DACH1: variants seen among roughly 807,000 people sequenced by gnomAD.
The protein encoded by DACH1 is dachshund homolog 1.
DACH1 carries 12 observed loss-of-function variants against 54.2 expected under a neutral mutation model. The ratio of observed to expected loss-of-function variants is 0.22; its 90% CI spans 0.14 to 0.36. The LOEUF (loss-of-function observed/expected upper bound fraction) is 0.36, where lower values mean the gene tolerates loss of function less well. Among genes scored for constraint, DACH1 ranks in the 10% least tolerant of loss-of-function variants. The probability of loss-of-function intolerance (pLI) is 1.00; values close to 1 mark genes in which losing one functional copy is unlikely to be tolerated. For synonymous variants in DACH1, 386 were observed against 366.2 expected, an observed-to-expected ratio of 1.05 and a Z score of -0.62; for missense variants, 805 against 929.8, an observed-to-expected ratio of 0.87 and a Z score of 1.75.
chr13:71,587,895 A>G lies in DACH1; in HGVS notation c.1127-14883T>C, dbSNP rs571545088. The stretch of plus-strand genomic sequence containing the variant: ...ACTCTCAGAAAGAAAGGTAGATTAA[A>G]GTAAAAGCTGCAGCACCTTGTTACT... On this transcript the variant is annotated intron_variant, in intron 3 of 10. Transcript: ENST00000613252. 2.6e-5 allele frequency among the ~76,000 whole-genome samples: 4 copies of G among 152,268 alleles called. No individual in the cohort carries two copies. The Middle Eastern group carries it at 0.01, about 391-fold the overall frequency.
At chr13:71,806,909 T>C (rs1280887741) in intron 1 of DACH1, among the ~76,000 whole-genome samples, 1 of 152,190 alleles carries the variant, frequency 6.6e-6, no homozygotes, top group Non-Finnish European at 1.5e-5. Context: ...CATCAACCGA[T>C]TATGAATCTA....
At chr13:71,572,720 G>A (rs1885290233) in intron 4 of DACH1, 120 bp downstream of exon 4, 2 of 1,073,550 alleles carry the variant, frequency 1.9e-6, no homozygotes, top group South Asian at 2.0e-5. Context: ...TTTTTTAATA[G>A]TCTATTTACT....
At chr13:71,484,039 CTTAA>C (rs1291129215) in intron 7 of DACH1, among the ~76,000 whole-genome samples, 5 of 152,100 alleles carry the variant, frequency 3.3e-5, no homozygotes, top group Non-Finnish European at 4.4e-5. Context: ...CAGTCTTATA[CTTAA>C]TTCTTTTTCA....
intron 1 of DACH1, among the ~76,000 whole-genome samples, chr13:71,832,922 CTTTT>C (rs1185275458): frequency 1.3e-5 from 2 of 151,816 alleles, no homozygotes; most frequent in Non-Finnish European, 2.9e-5. Context: ...TATTTTTCCT[CTTTT>C]TTGAGAGAAG....
At chr13:71,471,890 G>A (rs760458773) in intron 10 of DACH1, among the ~76,000 whole-genome samples, 13 of 152,150 alleles carry the variant, frequency 8.5e-5, no homozygotes, top group South Asian at 2.1e-4. Flanking sequence ...TAAAATGTAC[G>A]CGTATGTGCA....
chr13:71,633,774 A>G (rs1035023245), intron 2 of DACH1, among the ~76,000 whole-genome samples: 1 of 152,022 alleles, frequency 6.6e-6, no homozygotes, highest in East Asian at 1.9e-4. Context: ...TGGGTTCTCA[A>G]TTCTAATTAT....
intron 2 of DACH1, among the ~76,000 whole-genome samples, chr13:71,649,324 C>T (rs1361960447): frequency 1.3e-5 from 2 of 152,082 alleles, no homozygotes; most frequent in Non-Finnish European, 2.9e-5. Context: ...AATGTATCTT[C>T]GTCATTAAGG....
At chr13:71,498,519 G>C (rs1879632976) in intron 6 of DACH1, among the ~76,000 whole-genome samples, 1 of 152,026 alleles carries the variant, frequency 6.6e-6, no homozygotes, top group African/African-American at 2.4e-5. Context: ...GAAGCTCTAG[G>C]AATAAAATTT....
intron 1 of DACH1, among the ~76,000 whole-genome samples, chr13:71,703,882 T>C (rs1882291954): frequency 6.6e-6 from 1 of 152,198 alleles, no homozygotes; most frequent in South Asian, 2.1e-4. Context: ...ACTTACTAAA[T>C]ATTGTACCTG....
intron 1 of DACH1, among the ~76,000 whole-genome samples, chr13:71,829,718 C>T (rs565369614): frequency 2.2e-4 from 34 of 151,936 alleles, no homozygotes; most frequent in African/African-American, 3.1e-4. Context: ...TTTTGCTTCC[C>T]GGAGAGCAGT....
At chr13:71,565,205 C>A (rs899755659) in intron 4 of DACH1, among the ~76,000 whole-genome samples, 4 of 152,042 alleles carry the variant, frequency 2.6e-5, no homozygotes, top group African/African-American at 9.7e-5. Context: ...CCGTGCCCAG[C>A]CTAAATGTTA....
intron 2 of DACH1, among the ~76,000 whole-genome samples, chr13:71,635,913 T>C (rs1419874505): frequency 2.6e-5 from 4 of 152,084 alleles, no homozygotes; most frequent in Admixed American, 2.0e-4. Flanking sequence ...CCCGAGTAGC[T>C]GGGATTATAG....
chr13:71,589,162 A>C (rs1873510852), intron 3 of DACH1, among the ~76,000 whole-genome samples: 1 of 152,012 alleles, frequency 6.6e-6, no homozygotes, highest in Non-Finnish European at 1.5e-5. Flanking sequence ...CTTTTAGTTA[A>C]AACATAAAAT....
intron 1 of DACH1, among the ~76,000 whole-genome samples, chr13:71,792,183 C>T (rs9564845): frequency 0.16 from 23,985 of 152,148 alleles, 3,705 homozygotes; most frequent in East Asian, 0.84. Flanking sequence ...TTTACTCTAA[C>T]TTTTCCGCCC....
chr13:71,492,226 T>A (rs1160406968), intron 6 of DACH1, among the ~76,000 whole-genome samples: 1 of 152,210 alleles, frequency 6.6e-6, no homozygotes, highest in Non-Finnish European at 1.5e-5. Flanking sequence ...TTATTCATAC[T>A]TCCTGACATG....
intron 3 of DACH1, among the ~76,000 whole-genome samples, chr13:71,617,585 T>G (rs561030387): frequency 5.3e-5 from 8 of 152,322 alleles, no homozygotes; most frequent in African/African-American, 1.4e-4. Flanking sequence ...ATCACATTAT[T>G]GCCCTGAATC....
chr13:71,479,388 T>C, intron 7 of DACH1, 72 bp from the exon 8 acceptor site: 1 of 1,489,716 alleles, frequency 6.7e-7, no homozygotes, highest in Non-Finnish European at 9.1e-7. Context: ...TTAAAAGCAT[T>C]TTCAAAGCAA....
chr13:71,748,763 A>T (rs1884719649), intron 1 of DACH1, among the ~76,000 whole-genome samples: 1 of 152,168 alleles, frequency 6.6e-6, no homozygotes, highest in South Asian at 2.1e-4. Flanking sequence ...ACATTTTCTT[A>T]ACTAATATAT....
At position 71,453,719 on chromosome 13, in the gene DACH1, T is replaced by C. The variant is rs139005430; in HGVS notation, c.2084-13027A>G. Among the ~76,000 whole-genome samples the C allele has an allele frequency of 1.3e-3, 198 of 152,318 alleles. 1 individual carries two copies. In the East Asian group the frequency reaches 0.03, roughly 23 times the overall value. On this transcript the variant is annotated intron_variant, in intron 10 of 10. Transcript: ENST00000613252. ...AACTGTGGGTGAATAAAGTTCTACA[T>C]CTTTAAAGCCTTATTTAATATGTTT...
Sources: allele counts gnomAD v4.1 joint callset (sites outside exome capture counted in the v4.1 genomes callset), GRCh38; gene constraint gnomAD v4.1.1; transcripts MANE v1.5; gene names NCBI Gene and HGNC (gene_info 2026-07-23, HGNC 2026-07-21).